AHNAK2: variants seen among roughly 807,000 people sequenced by gnomAD.
The protein encoded by AHNAK2 is AHNAK nucleoprotein 2.
A neutral mutation model predicts 30.7 loss-of-function variants in AHNAK2; 18 were observed. The ratio of observed to expected loss-of-function variants is 0.59; its 90% CI spans 0.41 to 0.87. AHNAK2 has a LOEUF of 0.87. Ranked by LOEUF, AHNAK2 falls within the 40% of genes least tolerant of loss-of-function variation. The pLI is 0.00. For missense variants in AHNAK2, 8,604 were observed against 7,373.0 expected, an observed-to-expected ratio of 1.17 and a Z score of -6.11; for synonymous variants, 3,590 against 3,073.8, an observed-to-expected ratio of 1.17 and a Z score of -5.56.
rs750334674 is a variant in AHNAK2, at chr14:104,951,526, G to A, written c.3925C>T (p.Gln1309Ter). ...GCCAGGGACAGGTCCCCGTCCAGCT[G>A]TGCGCCATCCAACTTGGCTCCCGGG... ...QAPGAKLDGA[Q>*]LDGDLSLADK... The change falls in exon 7 of 7, where the codon CAG becomes TAG. Residue 1309 changes from glutamine to a stop codon, truncating the protein, a stop_gained. Coordinates refer to ENST00000333244, the MANE Select transcript of AHNAK2 (RefSeq NM_138420.4). LOFTEE classifies it low-confidence loss of function (END_TRUNC). 39 of 1,247,876 alleles carry A rather than the reference G, an allele frequency of 3.1e-5. 13 individuals carry two copies. The highest frequency in any genetic ancestry group is 4.3e-5 in the Non-Finnish European group (38 of 881,252). The allele number at this position is 1,247,876 out of a possible 1,614,324, so 77.3% of individuals were successfully genotyped here.
In AHNAK2 at chr14:104,949,793, T is replaced by C. The variant is rs369355582; in HGVS notation, c.5658A>G (p.Gln1886=). 50 of 1,585,518 alleles carry C rather than the reference T, an allele frequency of 3.2e-5. 6 individuals are homozygous for C. The highest frequency in any genetic ancestry group is 1.6e-4 in the South Asian group (14 of 89,878). Residue 1886 remains glutamine, a synonymous_variant, in exon 7 of 7, where the codon CAA becomes CAG. Coordinates refer to ENST00000333244, the MANE Select transcript of AHNAK2 (RefSeq NM_138420.4). ...PSADLVVQAG[Q]VDMKLPEGQV... ...GGCCCTCCGGGAGCTTCATGTCCAC[T>C]TGGCCAGCCTGGACCACCAGGTCTG...
In AHNAK2 at chr14:104,953,690, T is replaced by C; in HGVS notation, c.1761A>G (p.Ile587Met). ...EGQIRMPKFKIPSLGWSPSKH... is the reference protein window; with the variant it reads ...EGQIRMPKFKMPSLGWSPSKH... The stretch of plus-strand genomic sequence containing the variant: ...TGCTTGGCGACCATCCTAAGGAGGG[T>C]ATCTTGAACTTGGGCATTCTTATCT... The change falls in exon 7 of 7, where the codon ATA becomes ATG. Residue 587 changes from isoleucine to methionine, a missense_variant. Coordinates refer to ENST00000333244, the MANE Select transcript of AHNAK2 (RefSeq NM_138420.4). 1.2e-6 allele frequency: 2 copies of C among 1,613,616 alleles called. No individual in the cohort carries two copies. Among genetic ancestry groups the C allele is most frequent in the Non-Finnish European group, 1.7e-6 (2 of 1,179,824 alleles).
rs761470557 is a variant in AHNAK2, at chr14:104,954,843, G to T, written c.652-44C>A. Reference sequence around the variant, plus strand: ...GAATCTGTTGGTGCCAGTCCAAGAAGCCTGGGGCCCTGGCCCAGGGACAGA... The same window carrying T: ...GAATCTGTTGGTGCCAGTCCAAGAATCCTGGGGCCCTGGCCCAGGGACAGA... On this transcript the variant is annotated intron_variant, in intron 6 of 6. Transcript: ENST00000333244. The surrounding 1 kb of genome is among the most constrained non-coding windows in gnomAD (Gnocchi z 4.3). 1 of 1,538,478 alleles carries T rather than the reference G, an allele frequency of 6.5e-7. No individual in the cohort carries two copies. The highest frequency in any genetic ancestry group is 8.7e-7 in the Non-Finnish European group (1 of 1,145,932).
rs767659933 is a variant in AHNAK2, at chr14:104,946,283, G to A, written c.9168C>T (p.Gly3056=). 1.9e-6 allele frequency: 3 copies of A among 1,611,542 alleles called. No individual in the cohort carries two copies. The highest frequency in any genetic ancestry group is 1.7e-4 in the Middle Eastern group (1 of 6,018). The part of the protein sequence containing the change: ...LPEGHVPEGA[G]LKGHLPKLQM... Reference sequence around the variant, plus strand: ...GCAACTTGGGCAGGTGCCCTTTGAGGCCAGCTCCCTCGGGAACGTGGCCCT... The same window carrying A: ...GCAACTTGGGCAGGTGCCCTTTGAGACCAGCTCCCTCGGGAACGTGGCCCT... Residue 3056 remains glycine, a synonymous_variant, in exon 7 of 7, where the codon GGC becomes GGT. Coordinates refer to ENST00000333244, the MANE Select transcript of AHNAK2 (RefSeq NM_138420.4).
chr14:104,944,324 G>A lies in AHNAK2; in HGVS notation c.11127C>T (p.Gly3709=). The A allele has an allele frequency of 5.0e-6, 8 of 1,612,974 alleles. No individual in the cohort carries two copies. Among genetic ancestry groups the A allele is most frequent in the Non-Finnish European group, 6.8e-6 (8 of 1,179,600 alleles). The change falls in exon 7 of 7, where the codon GGC becomes GGT. Residue 3709 remains glycine (G), a synonymous_variant. Coordinates refer to ENST00000333244, the MANE Select transcript of AHNAK2 (RefSeq NM_138420.4). ...TGAGGCCGGCTCCCTCGGGCACCTGGCCCTCCGGGAGCTTCACATCCATCT... is the reference window on the plus strand; with the variant it reads ...TGAGGCCGGCTCCCTCGGGCACCTGACCCTCCGGGAGCTTCACATCCATCT... ...AGQMDVKLPE[G]QVPEGAGLKE... is the part of the protein sequence containing the mutation.
chr14:104,942,398 A>G lies in AHNAK2; in HGVS notation c.13053T>C (p.Pro4351=), dbSNP rs773306011. The change falls in exon 7 of 7, where the codon CCT becomes CCC. Residue 4351 remains proline (P), a synonymous_variant. Coordinates refer to ENST00000333244, the MANE Select transcript of AHNAK2 (RefSeq NM_138420.4). ...CAGCCTGGACCTCCAGATCAGCGGAAGGGGGCTGAATGCTGAGGTGAGTGG... is the reference window on the plus strand; with the variant it reads ...CAGCCTGGACCTCCAGATCAGCGGAGGGGGGCTGAATGCTGAGGTGAGTGG... ...LKTTHLSIQP[P]SADLEVQAGQ... The G allele has an allele frequency of 6.2e-7, 1 of 1,612,872 alleles. No homozygotes were observed. The highest frequency in any genetic ancestry group is 1.3e-5 in the African/African-American group (1 of 74,752).
intron 1 of AHNAK2, among the ~76,000 whole-genome samples, chr14:104,977,711 C>T (rs1034424498): frequency 1.3e-5 from 2 of 152,210 alleles, no homozygotes; most frequent in African/African-American, 2.4e-5. Flanking sequence ...GGTGAGAGGG[C>T]AAGCCTGGTG....
In AHNAK2 at chr14:104,956,461, T is replaced by C. The variant is rs1898977511; in HGVS notation, c.315+127A>G. On this transcript the variant is annotated intron_variant, in intron 4 of 6. Coordinates refer to ENST00000333244, the MANE Select transcript of AHNAK2 (RefSeq NM_138420.4). ...ACAAGGGGGACAAGAACACCCCTCC[T>C]CCCCAGGGCACGGGGCACACTGCCA... is the stretch of plus-strand genomic sequence containing the variant. 3 of 902,930 alleles carry C rather than the reference T, an allele frequency of 3.3e-6. No individual in the cohort carries two copies. In the South Asian group the frequency reaches 4.5e-5, roughly 13 times the overall value. The allele number at this position is 902,930 out of a possible 1,614,324, so 55.9% of individuals were successfully genotyped here. A position where few individuals can be genotyped will look rare whatever the true frequency, so the allele number is the denominator to read the frequency against.
Position 104,942,073 on chromosome 14 carries a change from C to T in AHNAK2, c.13378G>A (p.Asp4460Asn), listed in dbSNP as rs1898015889. 20 of 1,613,120 alleles carry T rather than the reference C, an allele frequency of 1.2e-5. No homozygotes were observed. Among genetic ancestry groups the T allele is most frequent in the Non-Finnish European group, 1.7e-5 (20 of 1,179,670 alleles). Residue 4460 changes from aspartate (D) to asparagine (N), a missense_variant, in exon 7 of 7, where the codon GAC becomes AAC. Physicochemically the swap from Asp to Asn is conservative, Grantham distance 23 (BLOSUM62 1). Coordinates refer to ENST00000333244, the MANE Select transcript of AHNAK2 (RefSeq NM_138420.4). Reference sequence around the variant, plus strand: ...AACTTGGGCATTTTGAACTTGCTGTCTTTGGCAGTCACGTCCTTGTCAGCC... The same window carrying T: ...AACTTGGGCATTTTGAACTTGCTGTTTTTGGCAGTCACGTCCTTGTCAGCC... ...SLADKDVTAKDSKFKMPKFKM... is the reference protein window; with the variant it reads ...SLADKDVTAKNSKFKMPKFKM...
Position 104,952,460 on chromosome 14 carries a change from C to T in AHNAK2, c.2991G>A (p.Lys997=), listed in dbSNP as rs763655285. The T allele has an allele frequency of 1.6e-5, 25 of 1,612,760 alleles. No individual in the cohort carries two copies. The highest frequency in any genetic ancestry group is 2.0e-5 in the Non-Finnish European group (24 of 1,179,644). Reference sequence around the variant, plus strand: ...GCATCTTGAACTTGGGCATTTTGAACTTGCTGTCTTTGGCAGTCACGTCCT... The same window carrying T: ...GCATCTTGAACTTGGGCATTTTGAATTTGCTGTCTTTGGCAGTCACGTCCT... The part of the protein sequence containing the change: ...ADKDVTAKDS[K]FKMPKFKMPS... Residue 997 remains lysine (K), a synonymous_variant, in exon 7 of 7, where the codon AAG becomes AAA. Coordinates refer to ENST00000333244, the MANE Select transcript of AHNAK2 (RefSeq NM_138420.4).
At chr14:104,959,149 A>G (rs1246662338) in intron 1 of AHNAK2, among the ~76,000 whole-genome samples, 1 of 152,142 alleles carries the variant, frequency 6.6e-6, no homozygotes, top group Non-Finnish European at 1.5e-5. Flanking sequence ...AGCCTGAGCA[A>G]TATAGTAAGA....
chr14:104,965,401 C>CAAAAAAAAAAAA (rs397853385), intron 1 of AHNAK2, among the ~76,000 whole-genome samples: 2 of 85,518 alleles, frequency 2.3e-5, no homozygotes, highest in Non-Finnish European at 4.6e-5. Flanking sequence ...AACTCTGTCT[C>CAAAAAAAAAAAA]AAAAAAAAAA....
chr14:104,958,775 T>C (rs1014334283), intron 1 of AHNAK2, among the ~76,000 whole-genome samples: 1 of 152,016 alleles, frequency 6.6e-6, no homozygotes, highest in Non-Finnish European at 1.5e-5. Flanking sequence ...GTTGAAGAAG[T>C]GATAGCTGAA....
chr14:104,976,888 G>A lies in AHNAK2; in HGVS notation c.55+1295C>T, dbSNP rs376711676. The stretch of plus-strand genomic sequence containing the variant: ...TGAGGAGGTCGACCTGCAGCCATGT[G>A]GGCAGGGCCAGTCATAGTGAAAGAG... On this transcript the variant is annotated intron_variant, in intron 1 of 6. Transcript: ENST00000333244. Among the ~76,000 whole-genome samples, 115 of 152,312 alleles carry A rather than the reference G, an allele frequency of 7.6e-4. 2 individuals carry two copies. The East Asian group carries it at 0.022, about 29-fold the overall frequency.
rs776106606 is a variant in AHNAK2 at position 104,946,394 on chromosome 14, C to T, written c.9057G>A (p.Gly3019=). 39 of 1,612,448 alleles carry T rather than the reference C, an allele frequency of 2.4e-5. No homozygotes were observed. The highest frequency in any genetic ancestry group is 3.0e-5 in the Non-Finnish European group (35 of 1,179,514). The change falls in exon 7 of 7, where the codon GGG becomes GGA. Residue 3019 remains glycine, a synonymous_variant. Coordinates refer to ENST00000333244, the MANE Select transcript of AHNAK2 (RefSeq NM_138420.4). ...TGCTGATGTCAGTGGTCTTCAGGTC[C>T]CCCTGCATGGAGGGGAGGCTCACTT... ...EAEVSLPSMQ[G]DLKTTDISIE... is the part of the protein sequence containing the mutation.
At position 104,942,158 on chromosome 14, in the gene AHNAK2, C is replaced by T; in HGVS notation, c.13293G>A (p.Val4431=). ...NLDVSLPSME[V]DIQAPGAKLD... ...GCTTGGCTCCTGGGGCTTGGATGTC[C>T]ACCTCCATGCTGGGCAGAGACACGT... The change falls in exon 7 of 7, where the codon GTG becomes GTA. Residue 4431 remains valine (V), a synonymous_variant. Coordinates refer to ENST00000333244, the MANE Select transcript of AHNAK2 (RefSeq NM_138420.4). 1 of 1,613,252 alleles carries T rather than the reference C, an allele frequency of 6.2e-7. No homozygotes were observed. Among genetic ancestry groups the T allele is most frequent in the Non-Finnish European group, 8.5e-7 (1 of 1,179,756 alleles).
Position 104,942,537 on chromosome 14 carries a change from A to G in AHNAK2, c.12914T>C (p.Met4305Thr). 1 of 1,612,956 alleles carries G rather than the reference A, an allele frequency of 6.2e-7. No homozygotes were observed. The highest frequency in any genetic ancestry group is 1.1e-5 in the South Asian group (1 of 91,034). The change falls in exon 7 of 7, where the codon ATG (methionine) becomes ACG (threonine). Residue 4305 changes from methionine to threonine, a missense_variant. By Grantham distance (81) the Met-to-Thr change is moderately conservative. Coordinates refer to ENST00000333244, the MANE Select transcript of AHNAK2 (RefSeq NM_138420.4). ...DSKFKMPKFKMPSFGVSAPGK... is the reference protein window; with the variant it reads ...DSKFKMPKFKTPSFGVSAPGK... ...TGGGGCAGACACCCCGAACGACGGC[A>G]TCTTGAACTTGGGCATTTTGAACTT...
chr14:104,946,661 C>A lies in AHNAK2; in HGVS notation c.8790G>T (p.Ala2930=), dbSNP rs747768367. The A allele has an allele frequency of 6.2e-7, 1 of 1,612,966 alleles. No individual in the cohort carries two copies. Among genetic ancestry groups the A allele is most frequent in the African/African-American group, 1.3e-5 (1 of 74,564 alleles). The change falls in exon 7 of 7, where the codon GCG becomes GCT. Residue 2930 remains alanine (A), a synonymous_variant. Transcript: ENST00000333244. ...CCTCCACGTCGGGGGCCGTCACCTC[C>A]GCCTTGGGGCCTTTCAGGTCCAGCT... ...GPKLDLKGPK[A]EVTAPDVEVS...
Position 104,943,048 on chromosome 14 carries a change from T to C in AHNAK2, c.12403A>G (p.Met4135Val). Residue 4135 changes from methionine to valine, a missense_variant, in exon 7 of 7, where the codon ATG becomes GTG. Physicochemically the swap from Met to Val is conservative, Grantham distance 21 (BLOSUM62 1). Transcript: ENST00000333244. ...DVTAKDSKFK[M>V]PKFKMPSFGV... ...AATGATGGCATCTTGAACTTGGGCA[T>C]TTTGAACTTGCTGTCTTTGGCAGTC... 1 of 1,612,654 alleles carries C rather than the reference T, an allele frequency of 6.2e-7. No individual in the cohort carries two copies. The highest frequency in any genetic ancestry group is 2.2e-5 in the East Asian group (1 of 44,752).
Sources: allele counts gnomAD v4.1 joint callset (sites outside exome capture counted in the v4.1 genomes callset), GRCh38; gene constraint gnomAD v4.1.1; non-coding constraint Gnocchi (gnomAD v3.1); transcripts MANE v1.5; gene names NCBI Gene and HGNC (gene_info 2026-07-23, HGNC 2026-07-21).